Variants in MTAP observed in about 807,000 individuals in gnomAD.
The protein encoded by MTAP is S-methyl-5'-thioadenosine phosphorylase.
A neutral mutation model predicts 33.6 loss-of-function variants in MTAP; 33 were observed. The ratio of observed to expected loss-of-function variants is 0.98; its 90% CI spans 0.74 to 1.31. The LOEUF (loss-of-function observed/expected upper bound fraction) is 1.31. Ranked by LOEUF, MTAP falls within the 40% of genes most tolerant of loss-of-function variation. The pLI is 0.00. For missense variants in MTAP, 367 were observed against 360.0 expected (o/e 1.02, Z -0.16); for synonymous variants, 148 against 125.7 (o/e 1.18, Z -1.19).
chr9:21,886,067 A>T (rs915483822), intron 1 of MTAP, among the ~76,000 whole-genome samples: 10 of 151,534 alleles, frequency 6.6e-5, no homozygotes, highest in Non-Finnish European at 1.3e-4. Context: ...GTACTAGTTT[A>T]CATGCCCACC....
intron 1 of MTAP, chr9:21,803,261 G>T: frequency 3.5e-6 from 1 of 285,416 alleles, no homozygotes. Flanking sequence ...CTCTGACTCT[G>T]CTTGTTGCCT....
At chr9:21,818,310 T>C (rs1587205519) in intron 4 of MTAP, 108 bp downstream of exon 4, 2 of 419,542 alleles carry the variant, frequency 4.8e-6, no homozygotes, top group African/African-American at 2.3e-5. Context: ...TGCCACAGAC[T>C]CGCTTGCTTT....
intron 6 of MTAP, among the ~76,000 whole-genome samples, chr9:21,858,687 A>G (rs1046845916): frequency 2.0e-5 from 3 of 152,208 alleles, no homozygotes; most frequent in Non-Finnish European, 2.9e-5. Flanking sequence ...ACAATTCGAC[A>G]TGAGATTTGG....
intron 4 of MTAP, among the ~76,000 whole-genome samples, chr9:21,831,842 C>G (rs1448607841): frequency 6.6e-6 from 1 of 151,280 alleles, no homozygotes; most frequent in Non-Finnish European, 1.5e-5. Context: ...TTAAAGGAAG[C>G]AGAGTGTGAT....
chr9:21,897,903 A>G (rs1183816853), intron 1 of MTAP, among the ~76,000 whole-genome samples: 3 of 152,222 alleles, frequency 2.0e-5, no homozygotes, highest in Non-Finnish European at 4.4e-5. Context: ...TATGGAACCA[A>G]AAAAGAGCCC....
intron 1 of MTAP, among the ~76,000 whole-genome samples, chr9:21,805,574 A>G (rs924304856): frequency 6.6e-6 from 1 of 152,206 alleles, no homozygotes; most frequent in Non-Finnish European, 1.5e-5. Flanking sequence ...GTTGAAACCT[A>G]ATCGCCAATG....
intron 5 of MTAP, among the ~76,000 whole-genome samples, chr9:21,844,292 CTA>C (rs1459210904): frequency 6.6e-6 from 1 of 152,132 alleles, no homozygotes; most frequent in Non-Finnish European, 1.5e-5. Flanking sequence ...CAGCTGAATT[CTA>C]TCAGACATTC....
chr9:21,830,569 G>GT (rs1824942000), intron 4 of MTAP, among the ~76,000 whole-genome samples: 1 of 152,160 alleles, frequency 6.6e-6, no homozygotes, highest in African/African-American at 2.4e-5. Context: ...TTGACCTTTA[G>GT]TCTGTCCTAA....
At chr9:21,871,831 C>T (rs1825942532), downstream of MTAP, among the ~76,000 whole-genome samples, 1 of 152,098 alleles carries the variant, frequency 6.6e-6, no homozygotes, top group African/African-American at 2.4e-5. Context: ...TCTACCTCCC[C>T]AGATAGTGAA....
intron 4 of MTAP, among the ~76,000 whole-genome samples, chr9:21,833,176 A>C (rs756907526): frequency 6.6e-6 from 1 of 152,046 alleles, no homozygotes; most frequent in South Asian, 2.1e-4. Context: ...TATTGGTCCA[A>C]ATTCATAAGT....
intron 1 of MTAP, chr9:21,811,954 G>A: frequency 3.0e-6 from 1 of 329,218 alleles, no homozygotes; most frequent in East Asian, 7.5e-5. Flanking sequence ...TTCATATTTT[G>A]GGCATTAAGC....
intron 4 of MTAP, among the ~76,000 whole-genome samples, chr9:21,824,463 G>A (rs1282828965): frequency 1.3e-5 from 2 of 152,196 alleles, no homozygotes; most frequent in Non-Finnish European, 2.9e-5. Flanking sequence ...TCCTCTGGAA[G>A]CTTCGTCTCA....
rs1487609977 is a variant in MTAP, at chr9:21,859,291, T to C, written c.691-12T>C. 6.2e-7 allele frequency: 1 copy of C among 1,602,232 alleles called. No homozygotes were observed. The stretch of plus-strand genomic sequence containing the variant: ...TAAGTTCTAGTAACCTCCAGTGCTA[T>C]TGTTTCTCTAGGTTTCGGTGGACCG... On this transcript the variant is annotated splice_polypyrimidine_tract_variant and intron_variant, in intron 6 of 7. Coordinates refer to ENST00000644715, the MANE Select transcript of MTAP (RefSeq NM_002451.4).
chr9:21,927,708 C>T (rs540447694), intron 1 of MTAP, among the ~76,000 whole-genome samples: 33 of 152,300 alleles, frequency 2.2e-4, no homozygotes, highest in African/African-American at 7.9e-4. Context: ...AGCTCTGTCC[C>T]TGGGGACCTC....
At chr9:21,868,291 T>C (rs544911186), downstream of MTAP, among the ~76,000 whole-genome samples, 12 of 152,346 alleles carry the variant, frequency 7.9e-5, no homozygotes, top group East Asian at 2.3e-3. Context: ...TTCTGATAGG[T>C]TGTGCTTGGG....
At chr9:21,818,542 G>T (rs965569028) in intron 4 of MTAP, among the ~76,000 whole-genome samples, 5 of 151,882 alleles carry the variant, frequency 3.3e-5, no homozygotes, top group African/African-American at 1.2e-4. Flanking sequence ...TGGTCAGGCT[G>T]GTCTTGAATC....
chr9:21,813,209 G>C (rs1480062106), intron 1 of MTAP, among the ~76,000 whole-genome samples: 2 of 152,230 alleles, frequency 1.3e-5, no homozygotes, highest in East Asian at 3.9e-4. Flanking sequence ...CTCCATCTTA[G>C]AGGTCCAGTT....
downstream of MTAP, chr9:21,931,286 C>A: frequency 1.7e-6 from 1 of 587,134 alleles, no homozygotes; most frequent in Non-Finnish European, 3.1e-6. Flanking sequence ...TCCAGTTTCC[C>A]AAAGAATTGG....
intron 1 of MTAP, among the ~76,000 whole-genome samples, chr9:21,805,518 G>C (rs1407329066): frequency 6.6e-6 from 1 of 152,196 alleles, no homozygotes; most frequent in Non-Finnish European, 1.5e-5. Context: ...GACTCCTAGG[G>C]AGGTGGATTT....
Sources: gnomAD v4.1 joint callset for allele counts (sites outside exome capture counted in the v4.1 genomes callset) on GRCh38, gnomAD v4.1.1 for gene constraint, MANE v1.5 for transcripts, NCBI Gene and HGNC (gene_info 2026-07-23, HGNC 2026-07-21) for gene names.